Variants in EYS observed in about 807,000 individuals in gnomAD.
EYS encodes protein eyes shut homolog.
Under a neutral mutation model 282.1 loss-of-function variants are expected in EYS, and 250 were observed. That is an observed-to-expected ratio of 0.89 (90% CI 0.80 to 0.98). The LOEUF is 0.98. Ranked by LOEUF, EYS falls within the 50% of genes least tolerant of loss-of-function variation. The probability of loss-of-function intolerance (pLI) is 0.00; values close to 1 mark genes in which losing one functional copy is unlikely to be tolerated. For synonymous variants in EYS, 1,355 were observed against 1,282.9 expected (o/e 1.06, Z -1.20); for missense variants, 4,016 against 3,709.0 (o/e 1.08, Z -2.15).
chr6:64,355,674 A>C (rs1432342493), intron 29 of EYS, among the ~76,000 whole-genome samples: 2 of 151,674 alleles, frequency 1.3e-5, no homozygotes, highest in Admixed American at 6.6e-5. Context: ...TGTTTTGGAC[A>C]TCCATTAATC....
Position 64,064,487 on chromosome 6 carries a change from C to T in EYS, c.6725+1851G>A, listed in dbSNP as rs1281324965. ...TACTCTCACTTTGAGCTCTTGTAGG[C>T]TATTGCCTATAACACAGAGCAGATT... On this transcript the variant is annotated intron_variant, in intron 33 of 42. Transcript: ENST00000503581. 2.6e-5 allele frequency among the ~76,000 whole-genome samples: 4 copies of T among 152,136 alleles called. No homozygotes were observed. In the East Asian group the frequency reaches 7.7e-4, roughly 29 times the overall value.
intron 28 of EYS, among the ~76,000 whole-genome samples, chr6:64,428,462 G>A (rs1016466443): frequency 1.3e-5 from 2 of 152,094 alleles, no homozygotes; most frequent in Admixed American, 6.6e-5. Context: ...AATTTTAACT[G>A]TAGGTCATTT....
At chr6:64,592,413 C>T (rs1766441255) in intron 25 of EYS, among the ~76,000 whole-genome samples, 1 of 152,046 alleles carries the variant, frequency 6.6e-6, no homozygotes, top group South Asian at 2.1e-4. Context: ...TAGATAACAC[C>T]ATATTTCAAT....
intron 11 of EYS, among the ~76,000 whole-genome samples, chr6:65,326,339 G>A (rs1012304929): frequency 3.3e-5 from 5 of 151,258 alleles, no homozygotes; most frequent in African/African-American, 4.9e-5. Flanking sequence ...TTTTTAAATG[G>A]TGTAATTTTT....
intron 12 of EYS, among the ~76,000 whole-genome samples, chr6:65,172,286 A>G (rs1030160951): frequency 6.6e-6 from 1 of 151,502 alleles, no homozygotes; most frequent in Non-Finnish European, 1.5e-5. Flanking sequence ...TAAGTATATT[A>G]GTACCTTGGA....
At chr6:63,908,502 G>A (rs1357945837) in intron 35 of EYS, among the ~76,000 whole-genome samples, 1 of 152,004 alleles carries the variant, frequency 6.6e-6, no homozygotes, top group Non-Finnish European at 1.5e-5. Context: ...CTAGGCTGGA[G>A]TGCAGTGGTG....
chr6:64,413,079 T>G (rs750287868), intron 28 of EYS, among the ~76,000 whole-genome samples: 2 of 152,150 alleles, frequency 1.3e-5, no homozygotes, highest in Non-Finnish European at 2.9e-5. Flanking sequence ...TGGATACTAG[T>G]TGAAGCTTAT....
rs189933293 is a variant in EYS, at chr6:65,126,460, A to G, written c.2024-68733T>C. 2.7e-4 allele frequency among the ~76,000 whole-genome samples: 41 copies of G among 152,204 alleles called. No individual in the cohort carries two copies. The East Asian group carries it at 6.6e-3, about 24-fold the overall frequency. Reference sequence around the variant, plus strand: ...GATGGATCCTAAATAGGCTGCTTGAATTTTCCATCACGTCTAATTCTTTGT... The same window carrying G: ...GATGGATCCTAAATAGGCTGCTTGAGTTTTCCATCACGTCTAATTCTTTGT... On this transcript the variant is annotated intron_variant, in intron 12 of 42. Coordinates refer to ENST00000503581, the MANE Select transcript of EYS (RefSeq NM_001142800.2).
At chr6:65,425,968 A>G (rs1311125390) in intron 5 of EYS, among the ~76,000 whole-genome samples, 1 of 152,114 alleles carries the variant, frequency 6.6e-6, no homozygotes, top group African/African-American at 2.4e-5. Context: ...AATAAGTCAA[A>G]CAGAAGAATT....
At chr6:65,130,310 A>G (rs1233558390) in intron 12 of EYS, among the ~76,000 whole-genome samples, 4 of 151,942 alleles carry the variant, frequency 2.6e-5, no homozygotes, top group Non-Finnish European at 2.9e-5. Context: ...ATTCTAAAAT[A>G]AAAGTTTTAA....
chr6:63,984,204 A>C (rs1447522583), intron 35 of EYS, among the ~76,000 whole-genome samples, 179 bp downstream of exon 35: 1 of 151,720 alleles, frequency 6.6e-6, no homozygotes, highest in African/African-American at 2.4e-5. Flanking sequence ...CAATATATAC[A>C]TTTCTTTGGA....
At chr6:63,920,346 A>C (rs1764535696) in intron 35 of EYS, among the ~76,000 whole-genome samples, 1 of 152,188 alleles carries the variant, frequency 6.6e-6, no homozygotes, top group Admixed American at 6.5e-5. Context: ...GAGAGGCACC[A>C]GCAAGAGACC....
chr6:65,087,556 T>C (rs1214381761), intron 12 of EYS, among the ~76,000 whole-genome samples: 1 of 152,056 alleles, frequency 6.6e-6, no homozygotes, highest in Non-Finnish European at 1.5e-5. Flanking sequence ...CTCATATTAA[T>C]TGGAAGACTC....
At chr6:65,022,515 T>C (rs1772279144) in intron 13 of EYS, among the ~76,000 whole-genome samples, 1 of 152,080 alleles carries the variant, frequency 6.6e-6, no homozygotes, top group South Asian at 2.1e-4. Flanking sequence ...ACTGATCAAA[T>C]TTATTGACAG....
chr6:64,643,328 C>T (rs977701032), intron 22 of EYS, among the ~76,000 whole-genome samples: 3 of 152,068 alleles, frequency 2.0e-5, no homozygotes, highest in Admixed American at 6.6e-5. Flanking sequence ...AATTTTACAC[C>T]AACCCAATAC....
chr6:64,756,322 A>G (rs545419714), intron 22 of EYS, among the ~76,000 whole-genome samples: 1 of 152,290 alleles, frequency 6.6e-6, no homozygotes, highest in South Asian at 2.1e-4. Flanking sequence ...TTTCCATTTA[A>G]TGTAAGTTTG....
rs745870530 is a variant in EYS, at chr6:64,618,983, A to G, written c.3569-1450T>C. Among the ~76,000 whole-genome samples the G allele has an allele frequency of 6.1e-4, 93 of 152,212 alleles. 1 individual carries two copies. The highest frequency in any genetic ancestry group is 3.5e-3 in the Admixed American group (53 of 15,274). On this transcript the variant is annotated intron_variant, in intron 23 of 42. Coordinates refer to ENST00000503581, the MANE Select transcript of EYS (RefSeq NM_001142800.2). ...AAATGCTCTTATAAAATTCGAATGCATATGAAACTTAGTAACATTGCTTAG... is the reference window on the plus strand; with the variant it reads ...AAATGCTCTTATAAAATTCGAATGCGTATGAAACTTAGTAACATTGCTTAG...
chr6:65,073,349 C>G (rs1773952439), intron 12 of EYS, among the ~76,000 whole-genome samples: 1 of 151,632 alleles, frequency 6.6e-6, no homozygotes, highest in Non-Finnish European at 1.5e-5. Context: ...ATAAAGATCA[C>G]AGACCTATGA....
intron 26 of EYS, among the ~76,000 whole-genome samples, chr6:64,578,245 A>C (rs1266913878): frequency 6.6e-6 from 1 of 151,960 alleles, no homozygotes; most frequent in Non-Finnish European, 1.5e-5. Context: ...AAGGTCTTAA[A>C]ATTGCCTAAA....
Sources: allele counts gnomAD v4.1 joint callset (sites outside exome capture counted in the v4.1 genomes callset), GRCh38; gene constraint gnomAD v4.1.1; transcripts MANE v1.5; gene names NCBI Gene and HGNC (gene_info 2026-07-23, HGNC 2026-07-21).